RNF128: variants seen among roughly 807,000 people sequenced by gnomAD.
RNF128 encodes E3 ubiquitin-protein ligase RNF128.
Under a neutral mutation model 26.2 loss-of-function variants are expected in RNF128, and 13 were observed. The observed-to-expected ratio is 0.50, with a 90% CI of 0.32 to 0.79. RNF128 has a LOEUF of 0.79. Ranked by LOEUF, RNF128 falls within the 30% of genes least tolerant of loss-of-function variation. The pLI is 0.03. For synonymous variants in RNF128, 149 were observed against 142.5 expected (o/e 1.05, Z -0.32); for missense variants, 315 against 349.7 (o/e 0.90, Z 0.79).
chrX:106,754,552 G>T (rs1929967188), intron 1 of RNF128, among the ~76,000 whole-genome samples: 1 of 104,789 alleles, frequency 9.5e-6, no homozygotes, highest in Admixed American at 1.1e-4. Context: ...GAGCCAGCAT[G>T]CCCAGCCAAA....
chrX:106,735,795 T>G (rs1477281313), intron 1 of RNF128, among the ~76,000 whole-genome samples: 1 of 111,520 alleles, frequency 9.0e-6, no homozygotes, highest in East Asian at 2.8e-4. Flanking sequence ...AACACTGGTT[T>G]CTTCATGTGC....
chrX:106,791,006 A>T (rs759508739), intron 5 of RNF128, 60 bp from the exon 6 acceptor site: 69 of 1,051,975 alleles, frequency 6.6e-5, no homozygotes, highest in Middle Eastern at 7.0e-4. Context: ...CTTTGAAGTG[A>T]TATGTCGAGG....
At chrX:106,699,439 C>T (rs1455652994) in intron 1 of RNF128, among the ~76,000 whole-genome samples, 1 of 111,460 alleles carries the variant, frequency 9.0e-6, no homozygotes, top group Non-Finnish European at 1.9e-5. Context: ...TCACATAACA[C>T]TGCCTCCAAA....
chrX:106,752,178 G>A (rs1341916907), intron 1 of RNF128, among the ~76,000 whole-genome samples: 1 of 110,896 alleles, frequency 9.0e-6, no homozygotes, highest in Admixed American at 9.6e-5. Context: ...TTCACCACCT[G>A]CTGATTAAAG....
chrX:106,713,033 G>T (rs929719020), intron 1 of RNF128, among the ~76,000 whole-genome samples: 4 of 107,384 alleles, frequency 3.7e-5, no homozygotes, highest in Middle Eastern at 4.9e-3. Flanking sequence ...GGTATCCGCC[G>T]CTTCGCCCAT....
chrX:106,756,075 A>G (rs1385062025), intron 1 of RNF128, among the ~76,000 whole-genome samples: 2 of 110,374 alleles, frequency 1.8e-5, no homozygotes, highest in Admixed American at 9.7e-5. Flanking sequence ...CACTGCTCAA[A>G]GAAATAAAAG....
chrX:106,700,495 C>G (rs1418772611), intron 1 of RNF128, among the ~76,000 whole-genome samples: 1 of 111,786 alleles, frequency 8.9e-6, no homozygotes, highest in Non-Finnish European at 1.9e-5. Flanking sequence ...AAACAATTCT[C>G]TTTTATATGT....
intron 1 of RNF128, among the ~76,000 whole-genome samples, chrX:106,699,645 CT>C (rs1461059660): frequency 1.8e-5 from 2 of 112,235 alleles, no homozygotes; most frequent in African/African-American, 6.5e-5. Context: ...TCCCCAGTGA[CT>C]TTCCATTGTT....
rs1286142760 is a variant in RNF128 at position 106,755,454 on chromosome X, GA to G, written c.485-17449del. Among the ~76,000 whole-genome samples, 10 of 102,652 alleles carry G rather than the reference GA, an allele frequency of 9.7e-5. No individual in the cohort carries two copies. In the East Asian group the frequency reaches 1.2e-3, roughly 13 times the overall value. 89.1% of individuals were successfully genotyped at this position (102,652 alleles called of 115,157 possible). On this transcript the variant is annotated intron_variant, in intron 1 of 6. Transcript: ENST00000255499. The stretch of plus-strand genomic sequence containing the variant: ...TACCAAAACCAGACAAAGACATATC[GA>G]AAAAAAAAAGGAAACTACTACAGGC...
chrX:106,769,546 G>GTTTTTT (rs752900867), intron 1 of RNF128, among the ~76,000 whole-genome samples: 130 of 64,813 alleles, frequency 2.0e-3, no homozygotes, highest in East Asian at 2.8e-3. Context: ...CACCTGCTTT[G>GTTTTTT]TTTTTTTTTT....
intron 1 of RNF128, among the ~76,000 whole-genome samples, chrX:106,759,079 A>G (rs1315392818): frequency 8.9e-6 from 1 of 112,250 alleles, no homozygotes; most frequent in African/African-American, 3.2e-5. Flanking sequence ...AGCTGAAATC[A>G]CTAAATAGGA....
intron 2 of RNF128, among the ~76,000 whole-genome samples, chrX:106,780,526 G>C (rs752250891): frequency 1.7e-4 from 19 of 111,865 alleles, no homozygotes; most frequent in Non-Finnish European, 2.8e-4. Context: ...TCTTAGACCA[G>C]GTATCTCTTA....
At chrX:106,696,771 A>G (rs1928879698) in intron 1 of RNF128, among the ~76,000 whole-genome samples, 2 of 111,288 alleles carry the variant, frequency 1.8e-5, no homozygotes, top group Non-Finnish European at 3.8e-5. Context: ...CTTCTTTCTA[A>G]TGTCAGTGCT....
intron 1 of RNF128, among the ~76,000 whole-genome samples, chrX:106,695,229 T>TA (rs1229243881): frequency 5.0e-3 from 512 of 101,569 alleles, no homozygotes; most frequent in African/African-American, 0.01. Flanking sequence ...AGACTTGGTC[T>TA]AAAAAAAAAA....
chrX:106,728,806 GAAACA>G (rs1929453517), intron 1 of RNF128, among the ~76,000 whole-genome samples: 1 of 111,747 alleles, frequency 8.9e-6, no homozygotes, highest in African/African-American at 3.3e-5. Context: ...AGCGTGTACT[GAAACA>G]AAACAAAAGT....
chrX:106,721,834 G>C (rs1929319033), upstream of RNF128, among the ~76,000 whole-genome samples: 1 of 111,841 alleles, frequency 8.9e-6, no homozygotes, highest in Admixed American at 9.5e-5. Flanking sequence ...TATGGATTTT[G>C]GCAGGTTGCT....
intron 1 of RNF128, among the ~76,000 whole-genome samples, chrX:106,728,343 G>A (rs989503225): frequency 1.5e-4 from 17 of 112,116 alleles, no homozygotes; most frequent in African/African-American, 4.9e-4. Context: ...CTACTCTGTT[G>A]CTTACTAGTC....
intron 1 of RNF128, among the ~76,000 whole-genome samples, chrX:106,701,129 T>C (rs1186648227): frequency 8.9e-6 from 1 of 112,016 alleles, no homozygotes; most frequent in East Asian, 2.8e-4. Flanking sequence ...CCATTGATTC[T>C]CTTGAATTTT....
intron 1 of RNF128, among the ~76,000 whole-genome samples, chrX:106,737,538 T>C (rs1251969615): frequency 8.9e-6 from 1 of 112,031 alleles, no homozygotes; most frequent in African/African-American, 3.2e-5. Flanking sequence ...TTAATAGCAT[T>C]GTTTAGGGAA....
Sources: allele counts gnomAD v4.1 joint callset (sites outside exome capture counted in the v4.1 genomes callset), GRCh38; gene constraint gnomAD v4.1.1; transcripts MANE v1.5; gene names NCBI Gene and HGNC (gene_info 2026-07-23, HGNC 2026-07-21).